AGBL1: variants seen among roughly 807,000 people sequenced by gnomAD.
The protein encoded by AGBL1 is cytosolic carboxypeptidase 4.
A neutral mutation model predicts 118.9 loss-of-function variants in AGBL1; 130 were observed. That is an observed-to-expected ratio of 1.09 (90% confidence interval 0.95 to 1.26). The LOEUF is 1.26. Among genes scored for constraint, AGBL1 ranks in the 50% most tolerant of loss-of-function variants. The pLI is 0.00. For missense variants in AGBL1, 1,584 were observed against 1,298.1 expected (o/e 1.22, Z -3.38); for synonymous variants, 555 against 478.9 (o/e 1.16, Z -2.08).
chr15:86,141,884 C>T (rs573619993), intron 1 of AGBL1, 120 bp from the exon 2 acceptor site: 75 of 1,003,752 alleles, frequency 7.5e-5, no homozygotes, highest in African/African-American at 5.1e-4. Context: ...CCTGTCCTTT[C>T]GCTGTAGTTA....
chr15:86,941,621 C>G (rs1435932674), intron 23 of AGBL1, among the ~76,000 whole-genome samples: 1 of 152,186 alleles, frequency 6.6e-6, no homozygotes, highest in African/African-American at 2.4e-5. Context: ...GCCATCCTGG[C>G]AGATCTTGCT....
At chr15:86,946,843 CAAAAAA>C (rs11355715) in intron 23 of AGBL1, among the ~76,000 whole-genome samples, 8 of 100,148 alleles carry the variant, frequency 8.0e-5, no homozygotes, top group African/African-American at 1.5e-4. Context: ...AAACTCGGTC[CAAAAAA>C]AAAAAAAAAA....
intron 19 of AGBL1, among the ~76,000 whole-genome samples, chr15:86,528,350 C>T (rs4591105): frequency 0.44 from 67,279 of 152,032 alleles, 15,936 homozygotes; most frequent in East Asian, 0.69. Flanking sequence ...GGGTGACGGA[C>T]GCACCTGGAA....
intron 21 of AGBL1, among the ~76,000 whole-genome samples, chr15:86,558,706 C>G (rs1347386731): frequency 6.6e-6 from 1 of 152,162 alleles, no homozygotes; most frequent in Non-Finnish European, 1.5e-5. Flanking sequence ...ATAGGAAATT[C>G]AATCATCGGA....
intron 22 of AGBL1, among the ~76,000 whole-genome samples, chr15:86,767,690 G>T (rs1229691336): frequency 6.6e-6 from 1 of 151,870 alleles, no homozygotes; most frequent in East Asian, 1.9e-4. Flanking sequence ...ACTGAGATTT[G>T]CTTCTGAGGC....
intron 1 of AGBL1, among the ~76,000 whole-genome samples, chr15:86,097,379 C>T (rs1288200520): frequency 6.6e-6 from 1 of 152,082 alleles, no homozygotes; most frequent in Non-Finnish European, 1.5e-5. Context: ...TAACTGTAGT[C>T]ATCCCACTCT....
intron 22 of AGBL1, among the ~76,000 whole-genome samples, chr15:86,753,502 A>C (rs1472390691): frequency 6.7e-6 from 1 of 150,364 alleles, no homozygotes; most frequent in African/African-American, 2.5e-5. Flanking sequence ...GATTCAAGCA[A>C]TTCTCTTGCC....
At chr15:86,864,122 T>C (rs2079594689) in intron 22 of AGBL1, among the ~76,000 whole-genome samples, 1 of 152,112 alleles carries the variant, frequency 6.6e-6, no homozygotes, top group Admixed American at 6.5e-5. Flanking sequence ...ACCTCTGAAA[T>C]AGCTGCCAGA....
intron 18 of AGBL1, among the ~76,000 whole-genome samples, chr15:86,435,386 G>A (rs1481550842): frequency 6.6e-6 from 1 of 152,162 alleles, no homozygotes; most frequent in African/African-American, 2.4e-5. Context: ...ATTGTTACTA[G>A]GTGAGAACCA....
At position 86,430,378 on chromosome 15, in the gene AGBL1, C is replaced by T. The variant is rs187772253; in HGVS notation, c.2555+32832C>T. ...GTCGCGGTGATAGGCACCTGTAGTA[C>T]CAGCTACTCAGGAGGCTGAGGCAGT... On this transcript the variant is annotated intron_variant, in intron 18 of 22. Coordinates refer to ENST00000614907, the MANE Select transcript of AGBL1 (RefSeq NM_001386094.1). Among the ~76,000 whole-genome samples, 55 of 151,868 alleles carry T rather than the reference C, an allele frequency of 3.6e-4. No individual in the cohort carries two copies. In the Middle Eastern group the frequency reaches 0.01, roughly 28 times the overall value.
chr15:86,924,285 G>T (rs1409733023), intron 23 of AGBL1, among the ~76,000 whole-genome samples: 1 of 152,228 alleles, frequency 6.6e-6, no homozygotes, highest in Non-Finnish European at 1.5e-5. Context: ...TACAATGAAT[G>T]GTCTTATTGG....
intron 6 of AGBL1, among the ~76,000 whole-genome samples, chr15:86,227,391 C>G (rs560651180): frequency 6.6e-6 from 1 of 152,354 alleles, no homozygotes; most frequent in East Asian, 1.9e-4. Flanking sequence ...AATACTCAGC[C>G]TTAATGTGTA....
intron 22 of AGBL1, among the ~76,000 whole-genome samples, chr15:86,860,539 G>C: frequency 6.6e-6 from 1 of 152,062 alleles, no homozygotes; most frequent in East Asian, 1.9e-4. Flanking sequence ...CTGTTCATTA[G>C]AGCCTGACTT....
intron 24 of AGBL1, among the ~76,000 whole-genome samples, chr15:86,994,517 A>G (rs779739062): frequency 6.6e-5 from 10 of 152,192 alleles, no homozygotes; most frequent in African/African-American, 9.6e-5. Context: ...GAAAGAGGCA[A>G]TTCTGAAGTG....
intron 22 of AGBL1, among the ~76,000 whole-genome samples, chr15:86,735,958 A>G (rs1159334862): frequency 2.0e-5 from 3 of 152,188 alleles, no homozygotes; most frequent in African/African-American, 4.8e-5. Context: ...TTAATTGTAC[A>G]GCAAATATTT....
intron 18 of AGBL1, among the ~76,000 whole-genome samples, chr15:86,508,301 G>A (rs1485737534): frequency 1.3e-5 from 2 of 151,888 alleles, no homozygotes; most frequent in African/African-American, 4.8e-5. Context: ...TGGAAGATCT[G>A]GATAGAATTG....
intron 24 of AGBL1, among the ~76,000 whole-genome samples, chr15:87,005,288 C>T (rs949477591): frequency 6.6e-6 from 1 of 152,194 alleles, no homozygotes. Context: ...AGAGTGTTTT[C>T]CAACTTGGTT....
intron 6 of AGBL1, among the ~76,000 whole-genome samples, chr15:86,246,774 C>T (rs1264038481): frequency 1.3e-5 from 2 of 152,202 alleles, no homozygotes; most frequent in Non-Finnish European, 2.9e-5. Flanking sequence ...AAATTAGCTT[C>T]CATTCTCTTT....
chr15:86,475,951 A>G (rs1345471228), intron 18 of AGBL1, among the ~76,000 whole-genome samples: 2 of 152,234 alleles, frequency 1.3e-5, no homozygotes, highest in African/African-American at 4.8e-5. Context: ...TTTTCAACCC[A>G]GAATTTCATA....
Sources: gnomAD v4.1 joint callset for allele counts (sites outside exome capture counted in the v4.1 genomes callset) on GRCh38, gnomAD v4.1.1 for gene constraint, MANE v1.5 for transcripts, NCBI Gene and HGNC (gene_info 2026-07-23, HGNC 2026-07-21) for gene names.